The following COMMD10 variants were observed in gnomAD, a reference collection of about 807,000 sequenced individuals.
The protein encoded by COMMD10 is COMM domain containing 10.
In COMMD10, 33 loss-of-function variants were observed where a neutral mutation model predicts 28.9. The ratio of observed to expected loss-of-function variants is 1.14; its 90% confidence interval spans 0.87 to 1.53. COMMD10 has a LOEUF of 1.53. Among genes scored for constraint, COMMD10 ranks in the 40% most tolerant of loss-of-function variants. COMMD10 has a pLI of 0.00. For missense variants in COMMD10, 310 were observed against 233.4 expected, an observed-to-expected ratio of 1.33 and a Z score of -2.14; for synonymous variants, 110 against 81.7, an observed-to-expected ratio of 1.35 and a Z score of -1.87.
At chr5:116,286,852 G>A (rs748906165) in intron 5 of COMMD10, among the ~76,000 whole-genome samples, 6 of 151,694 alleles carry the variant, frequency 4.0e-5, no homozygotes, top group African/African-American at 4.9e-5. Context: ...AGAGTGTTCC[G>A]TATATGTCTG....
At chr5:116,089,590 G>C (rs566506251) in intron 2 of COMMD10, among the ~76,000 whole-genome samples, 2 of 152,346 alleles carry the variant, frequency 1.3e-5, no homozygotes, top group Admixed American at 1.3e-4. Flanking sequence ...TCTCAGTCAT[G>C]TATGGAGTTG....
chr5:116,217,728 G>T (rs1343026010), intron 5 of COMMD10, among the ~76,000 whole-genome samples: 2 of 152,106 alleles, frequency 1.3e-5, no homozygotes, highest in Admixed American at 1.3e-4. Flanking sequence ...CAAGGCTTTT[G>T]TGCCAAGGTG....
At chr5:116,097,765 G>T (rs1421260941) in intron 4 of COMMD10, among the ~76,000 whole-genome samples, 3 of 152,082 alleles carry the variant, frequency 2.0e-5, no homozygotes, top group Admixed American at 2.0e-4. Flanking sequence ...ATGGTGGAAG[G>T]TGAATGGGGA....
At chr5:116,157,381 C>T (rs983952368) in intron 5 of COMMD10, among the ~76,000 whole-genome samples, 1 of 152,126 alleles carries the variant, frequency 6.6e-6, no homozygotes, top group Admixed American at 6.6e-5. Flanking sequence ...GCTGGCTGGG[C>T]TTGGCTGATC....
chr5:116,098,168 C>T (rs1010527383), intron 4 of COMMD10, among the ~76,000 whole-genome samples: 1 of 152,206 alleles, frequency 6.6e-6, no homozygotes, highest in African/African-American at 2.4e-5. Flanking sequence ...CTACCTCTGG[C>T]AGCTGTAATG....
At chr5:116,192,776 G>T (rs1424222324) in intron 5 of COMMD10, among the ~76,000 whole-genome samples, 1 of 152,170 alleles carries the variant, frequency 6.6e-6, no homozygotes, top group Non-Finnish European at 1.5e-5. Context: ...CGCCAGCCTT[G>T]CTAGGAACCT....
chr5:116,263,926 G>A (rs942834089), intron 5 of COMMD10, among the ~76,000 whole-genome samples: 8 of 151,830 alleles, frequency 5.3e-5, no homozygotes, highest in South Asian at 2.1e-4. Flanking sequence ...AGCCATGGTC[G>A]CTCATATTTG....
chr5:116,108,227 C>T (rs188829780), intron 4 of COMMD10, among the ~76,000 whole-genome samples: 389 of 152,346 alleles, frequency 2.6e-3, no homozygotes, highest in Non-Finnish European at 4.4e-3. Context: ...CTGCTCTCTC[C>T]AGAGCTGCCA....
chr5:116,247,082 G>A (rs1749972044), intron 5 of COMMD10, among the ~76,000 whole-genome samples: 1 of 151,356 alleles, frequency 6.6e-6, no homozygotes, highest in African/African-American at 2.4e-5. Context: ...ATCCAACAAA[G>A]GTCTAATATC....
intron 5 of COMMD10, among the ~76,000 whole-genome samples, chr5:116,145,832 G>A (rs1275710346): frequency 3.9e-5 from 6 of 151,920 alleles, no homozygotes; most frequent in Non-Finnish European, 1.5e-5. Flanking sequence ...AACTTAAGAA[G>A]AAGGTGTCTT....
chr5:116,261,362 G>C (rs544380987), intron 5 of COMMD10, among the ~76,000 whole-genome samples: 72 of 151,816 alleles, frequency 4.7e-4, no homozygotes, highest in Non-Finnish European at 8.8e-4. Context: ...CTAGCGTAAT[G>C]ACTGAGTTTT....
chr5:116,150,381 C>A (rs1355819856), intron 5 of COMMD10, among the ~76,000 whole-genome samples: 1 of 151,982 alleles, frequency 6.6e-6, no homozygotes, highest in Non-Finnish European at 1.5e-5. Flanking sequence ...TAGTTTTTTC[C>A]AATTCTGTGA....
At chr5:116,245,805 TC>T (rs1276923348) in intron 5 of COMMD10, among the ~76,000 whole-genome samples, 1 of 148,738 alleles carries the variant, frequency 6.7e-6, no homozygotes. Context: ...TGTTTAAAAC[TC>T]ATAGCAAACT....
chr5:116,090,769 C>G (rs1320665779), intron 2 of COMMD10, among the ~76,000 whole-genome samples: 1 of 152,158 alleles, frequency 6.6e-6, no homozygotes, highest in Non-Finnish European at 1.5e-5. Flanking sequence ...TCTGTTTGCT[C>G]TGGTTAAAAA....
chr5:116,220,202 G>A (rs143212143), intron 5 of COMMD10, among the ~76,000 whole-genome samples: 4 of 152,220 alleles, frequency 2.6e-5, no homozygotes, highest in Non-Finnish European at 5.9e-5. Context: ...TTGTTTGTAG[G>A]TACCTAGGGA....
Position 116,293,250 on chromosome 5 carries a change from AC to A in COMMD10, c.*762del, listed in dbSNP as rs1751420618. The A allele has an allele frequency of 2.5e-5, 9 of 359,320 alleles. No homozygotes were observed. The East Asian group carries it at 3.6e-4, about 14-fold the overall frequency. 22.3% of individuals were successfully genotyped at this position (359,320 alleles called of 1,614,324 possible). ...CCTTTTATATTCTCTTTCCATAAATACGTTGATTTCTGTCAATAAAATTTTT... is the reference window on the plus strand; with the variant it reads ...CCTTTTATATTCTCTTTCCATAAATAGTTGATTTCTGTCAATAAAATTTTT... On this transcript the variant is annotated 3_prime_UTR_variant, in exon 7 of 7. Transcript: ENST00000274458.
At chr5:116,224,657 A>G (rs992400546) in intron 5 of COMMD10, among the ~76,000 whole-genome samples, 7 of 151,948 alleles carry the variant, frequency 4.6e-5, no homozygotes, top group Non-Finnish European at 1.0e-4. Context: ...GCCATTCATG[A>G]GGGATCTTCC....
chr5:116,212,522 G>GTGTA (rs71223098), intron 5 of COMMD10, among the ~76,000 whole-genome samples: 12 of 132,038 alleles, frequency 9.1e-5, no homozygotes, highest in Admixed American at 2.4e-4. Flanking sequence ...GTGTGTGTGT[G>GTGTA]TAGAATGTGA....
At chr5:116,170,011 A>C (rs1580515108) in intron 5 of COMMD10, among the ~76,000 whole-genome samples, 1 of 152,280 alleles carries the variant, frequency 6.6e-6, no homozygotes, top group Middle Eastern at 3.4e-3. Context: ...AGAGAAAAAA[A>C]TAAAGGGTAT....
Sources: allele counts gnomAD v4.1 joint callset (sites outside exome capture counted in the v4.1 genomes callset), GRCh38; gene constraint gnomAD v4.1.1; transcripts MANE v1.5; gene names NCBI Gene and HGNC (gene_info 2026-07-23, HGNC 2026-07-21).